CSMD1: variants seen among roughly 807,000 people sequenced by gnomAD.
CSMD1 encodes CUB and sushi domain-containing protein 1.
In CSMD1, 213 loss-of-function variants were observed where a neutral mutation model predicts 417.5. That is an observed-to-expected ratio of 0.51 (90% CI 0.46 to 0.57). CSMD1 has a LOEUF of 0.57. Ranked by LOEUF, CSMD1 falls within the 20% of genes least tolerant of loss-of-function variation. CSMD1 has a pLI of 0.00. For synonymous variants in CSMD1, 2,862 were observed against 1,736.8 expected, an observed-to-expected ratio of 1.65 and a Z score of -16.11; for missense variants, 6,923 against 4,529.7, an observed-to-expected ratio of 1.53 and a Z score of -15.17.
chr8:3,618,830 T>G (rs367818168), intron 7 of CSMD1, among the ~76,000 whole-genome samples: 13 of 152,280 alleles, frequency 8.5e-5, no homozygotes, highest in African/African-American at 3.1e-4. Flanking sequence ...CGTGGCACAG[T>G]GCAGTTGAGA....
At chr8:4,873,074 C>T (rs954034833) in intron 1 of CSMD1, among the ~76,000 whole-genome samples, 16 of 151,934 alleles carry the variant, frequency 1.1e-4, no homozygotes, top group Non-Finnish European at 1.9e-4. Context: ...ATGATGTTTT[C>T]GTATATGTAT....
At chr8:3,699,538 A>T (rs947439745) in intron 7 of CSMD1, among the ~76,000 whole-genome samples, 2 of 152,044 alleles carry the variant, frequency 1.3e-5, no homozygotes, top group Non-Finnish European at 2.9e-5. Context: ...TCCATCCTCT[A>T]TTTCTATGGA....
intron 1 of CSMD1, 43 bp downstream of exon 1, chr8:4,994,289 G>A (rs745693319): frequency 6.3e-7 from 1 of 1,580,080 alleles, no homozygotes; most frequent in Non-Finnish European, 8.6e-7. Context: ...CGGGGCCTCC[G>A]AGGGCTCTAC....
intron 3 of CSMD1, among the ~76,000 whole-genome samples, chr8:4,385,362 G>A (rs1484065144): frequency 6.6e-6 from 1 of 152,190 alleles, no homozygotes; most frequent in Non-Finnish European, 1.5e-5. Flanking sequence ...ACAAATAACC[G>A]ACGTGGCCCC....
chr8:3,869,624 G>C (rs1016138346), intron 5 of CSMD1, among the ~76,000 whole-genome samples: 1 of 152,070 alleles, frequency 6.6e-6, no homozygotes, highest in Non-Finnish European at 1.5e-5. Flanking sequence ...CTTTCTCACC[G>C]CTGAGCTAAC....
At chr8:3,434,894 A>G (rs1814447681) in intron 12 of CSMD1, among the ~76,000 whole-genome samples, 1 of 152,222 alleles carries the variant, frequency 6.6e-6, no homozygotes, top group Admixed American at 6.5e-5. Context: ...AATATCGGGA[A>G]TACTTGTGAT....
At chr8:3,468,204 G>A (rs916629384) in intron 12 of CSMD1, among the ~76,000 whole-genome samples, 1 of 152,112 alleles carries the variant, frequency 6.6e-6, no homozygotes, top group African/African-American at 2.4e-5. Context: ...CATTTCAATG[G>A]TTCAGAAATT....
chr8:4,151,316 A>G (rs182192961), intron 3 of CSMD1, among the ~76,000 whole-genome samples: 31 of 152,324 alleles, frequency 2.0e-4, no homozygotes, highest in Non-Finnish European at 1.8e-4. Flanking sequence ...AGATCCTAAG[A>G]TCAATGCTTC....
At chr8:3,130,478 A>G (rs1031283445) in intron 41 of CSMD1, among the ~76,000 whole-genome samples, 2 of 151,560 alleles carry the variant, frequency 1.3e-5, no homozygotes, top group Non-Finnish European at 2.9e-5. Flanking sequence ...CATTCTCTGC[A>G]TGTAAGCAAC....
chr8:3,184,767 G>A (rs768051143), intron 36 of CSMD1, among the ~76,000 whole-genome samples: 1 of 152,140 alleles, frequency 6.6e-6, no homozygotes, highest in Non-Finnish European at 1.5e-5. Context: ...TCCTGCCTCA[G>A]GATAGCCAAT....
At chr8:3,081,724 T>C (rs1314644921) in intron 49 of CSMD1, among the ~76,000 whole-genome samples, 1 of 152,214 alleles carries the variant, frequency 6.6e-6, no homozygotes, top group Non-Finnish European at 1.5e-5. Flanking sequence ...TTACAGCAGA[T>C]AGTCTTTCTT....
chr8:4,518,731 G>A lies in CSMD1; in HGVS notation c.303-98666C>T, dbSNP rs369447466. On this transcript the variant is annotated intron_variant, in intron 2 of 69. Coordinates refer to ENST00000635120, the MANE Select transcript of CSMD1 (RefSeq NM_033225.6). The stretch of plus-strand genomic sequence containing the variant: ...GTATACATATGTAACTAACCTGCAC[G>A]TTGTGCGCATGTACCCTAAAACTTA... Among the ~76,000 whole-genome samples, 30 of 151,906 alleles carry A rather than the reference G, an allele frequency of 2.0e-4. No homozygotes were observed. In the South Asian group the frequency reaches 2.1e-3, roughly 11 times the overall value.
intron 10 of CSMD1, among the ~76,000 whole-genome samples, chr8:3,497,285 TC>T (rs1269561202): frequency 6.6e-6 from 1 of 152,224 alleles, no homozygotes; most frequent in African/African-American, 2.4e-5. Flanking sequence ...AGTCTATCTC[TC>T]CCATCAATAA....
rs145145113 is a variant in CSMD1, at chr8:4,356,669, G to C, written c.415+63284C>G. Among the ~76,000 whole-genome samples, 819 of 152,250 alleles carry C rather than the reference G, an allele frequency of 5.4e-3. 10 individuals carry two copies. The highest frequency in any genetic ancestry group is 0.019 in the African/African-American group (783 of 41,544). ...GAAGGTAGTTCACATACACCTGTTA[G>C]TGAGGGCTTCTTTCCATGTGTTTTG... On this transcript the variant is annotated intron_variant, in intron 3 of 69. Coordinates refer to ENST00000635120, the MANE Select transcript of CSMD1 (RefSeq NM_033225.6).
intron 12 of CSMD1, among the ~76,000 whole-genome samples, chr8:3,413,619 G>T (rs536413715): frequency 6.6e-6 from 1 of 152,112 alleles, no homozygotes; most frequent in Non-Finnish European, 1.5e-5. Context: ...TCATTTGGGG[G>T]AACTATCTTG....
intron 3 of CSMD1, among the ~76,000 whole-genome samples, chr8:4,285,537 G>A (rs1797013102): frequency 6.6e-6 from 1 of 152,186 alleles, no homozygotes; most frequent in African/African-American, 2.4e-5. Context: ...GGATATCAGG[G>A]CTTTCTCTCC....
intron 3 of CSMD1, among the ~76,000 whole-genome samples, chr8:4,407,272 T>C (rs1052456185): frequency 1.3e-5 from 2 of 152,170 alleles, no homozygotes; most frequent in Non-Finnish European, 2.9e-5. Context: ...ACCTTAACTT[T>C]TGGAGTAATT....
At chr8:4,054,291 TC>T (rs55793538) in intron 3 of CSMD1, among the ~76,000 whole-genome samples, 131,278 of 152,036 alleles carry the variant, frequency 0.86, 56,815 homozygotes, top group South Asian at 0.94. Context: ...AGATGTGGCT[TC>T]CACTTCACAT....
intron 5 of CSMD1, among the ~76,000 whole-genome samples, chr8:3,954,020 G>A (rs1037184129): frequency 6.6e-6 from 1 of 152,150 alleles, no homozygotes; most frequent in Non-Finnish European, 1.5e-5. Context: ...AGCGCCACCT[G>A]CTCATGGTGA....
Sources: gnomAD v4.1 joint callset for allele counts (sites outside exome capture counted in the v4.1 genomes callset) on GRCh38, gnomAD v4.1.1 for gene constraint, MANE v1.5 for transcripts, NCBI Gene and HGNC (gene_info 2026-07-23, HGNC 2026-07-21) for gene names.